The following ZNF600 variants were observed in gnomAD, a reference collection of about 807,000 sequenced individuals.
ZNF600 encodes zinc finger protein KR-ZNF1.
ZNF600 carries 4 observed loss-of-function variants against 7.3 expected under a neutral mutation model. That is an observed-to-expected ratio of 0.55 (90% CI 0.27 to 1.25). The LOEUF (loss-of-function observed/expected upper bound fraction) is 1.25. ZNF600 is among the 50% of genes most tolerant of loss of function. The pLI is 0.12. For missense variants in ZNF600, 911 were observed against 922.1 expected (o/e 0.99, Z 0.16); for synonymous variants, 290 against 308.9 (o/e 0.94, Z 0.64).
chr19:52,790,192 G>A (rs951894063), upstream of ZNF600, among the ~76,000 whole-genome samples: 1 of 152,144 alleles, frequency 6.6e-6, no homozygotes, highest in Non-Finnish European at 1.5e-5. Context: ...CAGGGGATGC[G>A]ATGGCCTGGC....
At chr19:52,831,320 C>CT in the ZNF600 span, among the ~76,000 whole-genome samples, 8 of 151,656 alleles carry the variant, frequency 5.3e-5, no homozygotes, top group African/African-American at 1.9e-4. Context: ...TCTGTTTTCT[C>CT]TTTTTTTGAG....
the ZNF600 span, chr19:52,797,680 C>T: frequency 6.5e-6 from 1 of 154,756 alleles, no homozygotes; most frequent in East Asian, 1.9e-4. Context: ...TTGAAATCTA[C>T]AAACATTGAT....
chr19:52,823,006 C>G, the ZNF600 span, among the ~76,000 whole-genome samples: 217 of 152,164 alleles, frequency 1.4e-3, no homozygotes, highest in African/African-American at 4.8e-3. Flanking sequence ...AGAAGCTTTA[C>G]CAGAATCACA....
chr19:52,801,215 C>A, the ZNF600 span: 6 of 1,614,022 alleles, frequency 3.7e-6, no homozygotes, highest in Admixed American at 6.7e-5. Flanking sequence ...ATTTTTCTCT[C>A]ATGTGTACAT....
the ZNF600 span, among the ~76,000 whole-genome samples, chr19:52,809,371 T>G: frequency 6.6e-6 from 1 of 152,250 alleles, no homozygotes; most frequent in Non-Finnish European, 1.5e-5. Context: ...AAGCTAGCCA[T>G]GTTTACTAAC....
chr19:52,767,696 T>C (rs1326945308), exon 4 of ZNF600: 2 of 1,613,498 alleles, frequency 1.2e-6, no homozygotes, highest in East Asian at 2.2e-5. Context: ...ATCTTTGCAA[T>C]GTCCCTGTGT....
At chr19:52,796,399 C>T in the ZNF600 span, among the ~76,000 whole-genome samples, 2 of 152,076 alleles carry the variant, frequency 1.3e-5, no homozygotes, top group Non-Finnish European at 2.9e-5. Flanking sequence ...GGGGGGCTTC[C>T]GGGTCACAGG....
chr19:52,769,365 C>G (rs113300277), intron 3 of ZNF600, among the ~76,000 whole-genome samples: 2 of 152,130 alleles, frequency 1.3e-5, no homozygotes, highest in Admixed American at 6.6e-5. Context: ...ATAACAGTAG[C>G]AAAATGAGTG....
At chr19:52,792,988 G>A in the ZNF600 span, among the ~76,000 whole-genome samples, 9 of 151,718 alleles carry the variant, frequency 5.9e-5, no homozygotes, top group Admixed American at 6.6e-5. Flanking sequence ...CACCCACCTC[G>A]GCCTCCCAAA....
chr19:52,770,150 A>T (rs1180222097), intron 3 of ZNF600, among the ~76,000 whole-genome samples: 1 of 152,176 alleles, frequency 6.6e-6, no homozygotes, highest in African/African-American at 2.4e-5. Context: ...AGAAATAAGA[A>T]TTGACTAATG....
chr19:52,830,666 G>A, the ZNF600 span, among the ~76,000 whole-genome samples: 62,884 of 151,480 alleles, frequency 0.42, 15,596 homozygotes, highest in Non-Finnish European at 0.57. Context: ...TTGTCCAGTG[G>A]ATGAATAAGG....
At chr19:52,818,195 C>T in the ZNF600 span, among the ~76,000 whole-genome samples, 3,690 of 152,286 alleles carry the variant, frequency 0.024, 75 homozygotes, top group Non-Finnish European at 0.038. Flanking sequence ...CCACTCTACT[C>T]CTGGAGAAGC....
the ZNF600 span, among the ~76,000 whole-genome samples, chr19:52,804,943 G>A: frequency 1.2e-4 from 18 of 152,286 alleles, 1 homozygote; most frequent in East Asian, 3.5e-3. Flanking sequence ...TGCAATACTT[G>A]AAGCCATCTA....
At chr19:52,792,456 T>C in the ZNF600 span, among the ~76,000 whole-genome samples, 4 of 152,066 alleles carry the variant, frequency 2.6e-5, no homozygotes, top group East Asian at 1.9e-4. Flanking sequence ...AGCACAGTGG[T>C]TCATGCCTGT....
chr19:52,788,215 G>C (rs1276939955), upstream of ZNF600, among the ~76,000 whole-genome samples: 2 of 152,150 alleles, frequency 1.3e-5, no homozygotes, highest in African/African-American at 4.8e-5. Context: ...AAAAGGCATG[G>C]GTTAGTGTGA....
intron 2 of ZNF600, 143 bp downstream of exon 4, chr19:52,778,683 A>G: frequency 1.8e-6 from 2 of 1,137,090 alleles, no homozygotes; most frequent in Non-Finnish European, 2.4e-6. Flanking sequence ...GGAGCAGCTG[A>G]GAGGAACTAA....
chr19:52,811,126 A>G, the ZNF600 span, among the ~76,000 whole-genome samples: 27 of 148,920 alleles, frequency 1.8e-4, no homozygotes, highest in South Asian at 2.1e-4. Context: ...GCTCCTAACC[A>G]CGAGTGATCC....
exon 4 of ZNF600, chr19:52,766,203 C>T (rs770373747): frequency 1.2e-6 from 2 of 1,613,708 alleles, no homozygotes; most frequent in Non-Finnish European, 1.7e-6. Context: ...ACTATGAACT[C>T]TGCGATGGCT....
At chr19:52,831,008 G>A in the ZNF600 span, among the ~76,000 whole-genome samples, 3 of 151,746 alleles carry the variant, frequency 2.0e-5, no homozygotes, top group Admixed American at 6.6e-5. Flanking sequence ...AAGAATGAAC[G>A]AGATCCAAAA....
Sources: allele counts gnomAD v4.1 joint callset (sites outside exome capture counted in the v4.1 genomes callset), GRCh38; gene constraint gnomAD v4.1.1; transcripts MANE v1.5; gene names NCBI Gene and HGNC (gene_info 2026-07-23, HGNC 2026-07-21).